The following NREP variants were observed in gnomAD, a reference collection of about 807,000 sequenced individuals.
NREP encodes the protein neuronal regeneration related protein.
Under a neutral mutation model 8.6 loss-of-function variants are expected in NREP, and 5 were observed. The ratio of observed to expected loss-of-function variants is 0.58; its 90% CI spans 0.30 to 1.22. The LOEUF is 1.22. Among genes scored for constraint, NREP ranks in the 50% most tolerant of loss-of-function variants. The pLI is 0.07. For synonymous variants in NREP, 27 were observed against 28.0 expected (o/e 0.96, Z 0.11); for missense variants, 86 against 82.5 (o/e 1.04, Z -0.17).
At chr5:111,776,094 G>A (rs891788725) in intron 2 of NREP, among the ~76,000 whole-genome samples, 18 of 152,280 alleles carry the variant, frequency 1.2e-4, no homozygotes, top group Admixed American at 3.9e-4. Flanking sequence ...AACCCTGCCA[G>A]GAGCAGTATG....
chr5:111,958,649 A>C (rs1494585), intron 2 of NREP, among the ~76,000 whole-genome samples: 73,214 of 151,608 alleles, frequency 0.48, 18,614 homozygotes, highest in African/African-American at 0.62. Flanking sequence ...GAAGACATAA[A>C]GAAGAATTAA....
chr5:111,852,609 T>A (rs935368594), intron 2 of NREP, among the ~76,000 whole-genome samples: 3 of 152,190 alleles, frequency 2.0e-5, no homozygotes, highest in African/African-American at 7.2e-5. Flanking sequence ...TGGGTTTTAG[T>A]TCCATCCCAT....
intron 2 of NREP, among the ~76,000 whole-genome samples, chr5:111,888,330 A>C (rs1266438328): frequency 7.0e-6 from 1 of 142,796 alleles, no homozygotes; most frequent in African/African-American, 2.7e-5. Context: ...ACAGTTCCCC[A>C]TTGCTGGGTG....
chr5:111,838,234 A>G (rs2112944800), intron 2 of NREP, among the ~76,000 whole-genome samples: 1 of 152,278 alleles, frequency 6.6e-6, no homozygotes, highest in African/African-American at 2.4e-5. Flanking sequence ...AATGTCTTCT[A>G]AATTTGATGT....
chr5:111,844,633 CATTAT>C (rs1753113173), intron 2 of NREP, among the ~76,000 whole-genome samples: 1 of 146,872 alleles, frequency 6.8e-6, no homozygotes, highest in East Asian at 2.0e-4. Context: ...AGTTGATATA[CATTAT>C]ATATCAACTA....
upstream of NREP, among the ~76,000 whole-genome samples, chr5:111,759,401 T>TTTTC (rs879320412): frequency 6.6e-5 from 10 of 150,454 alleles, no homozygotes; most frequent in East Asian, 2.0e-4. Context: ...AAGTGTTAAT[T>TTTTC]TTTCTTTCTT....
intron 2 of NREP, among the ~76,000 whole-genome samples, chr5:111,864,225 T>G (rs890016787): frequency 6.6e-6 from 1 of 152,084 alleles, no homozygotes; most frequent in Non-Finnish European, 1.5e-5. Flanking sequence ...GGGTCCTAAA[T>G]AAGTAAATTA....
chr5:111,827,639 C>T (rs112940624), intron 2 of NREP, among the ~76,000 whole-genome samples: 10 of 152,120 alleles, frequency 6.6e-5, no homozygotes, highest in Non-Finnish European at 1.3e-4. Context: ...GTCAGAAATT[C>T]GAGACCAGCC....
At chr5:111,774,391 G>T (rs1751310632) in intron 2 of NREP, among the ~76,000 whole-genome samples, 1 of 152,128 alleles carries the variant, frequency 6.6e-6, no homozygotes, top group South Asian at 2.1e-4. Context: ...ACCTTACATG[G>T]TAAAAGAGAC....
chr5:111,758,232 T>TCACACGC (rs1750860305), upstream of NREP: 1 of 985,426 alleles, frequency 1.0e-6, no homozygotes, highest in Non-Finnish European at 1.2e-6. Flanking sequence ...CACACACACG[T>TCACACGC]GCACACAGTC....
intron 2 of NREP, among the ~76,000 whole-genome samples, chr5:111,946,516 A>T (rs1157880658): frequency 6.6e-6 from 1 of 151,986 alleles, no homozygotes. Context: ...AGTAAAAGAT[A>T]ATCCCCTGAA....
At chr5:111,893,912 GTAGTAATATTAATAA>G (rs1754449573) in intron 2 of NREP, among the ~76,000 whole-genome samples, 1 of 151,904 alleles carries the variant, frequency 6.6e-6, no homozygotes, top group Non-Finnish European at 1.5e-5. Flanking sequence ...GTAAATAGTA[GTAGTAATATTAATAA>G]TAATAACAGG....
chr5:111,803,010 T>C (rs1752048924), intron 2 of NREP, among the ~76,000 whole-genome samples: 2 of 152,142 alleles, frequency 1.3e-5, no homozygotes, highest in Admixed American at 6.5e-5. Context: ...AGAAAAAAAC[T>C]GGGAGAATGG....
chr5:111,804,978 G>C (rs1454274833), intron 2 of NREP, among the ~76,000 whole-genome samples: 1 of 148,882 alleles, frequency 6.7e-6, no homozygotes, highest in Non-Finnish European at 1.5e-5. Flanking sequence ...TCTAGCCTGG[G>C]CGACAGAGCG....
At chr5:111,908,888 G>A (rs573962030) in intron 2 of NREP, among the ~76,000 whole-genome samples, 11 of 151,902 alleles carry the variant, frequency 7.2e-5, no homozygotes, top group South Asian at 2.1e-4. Flanking sequence ...AACAGCATCC[G>A]TTGTTTTTCT....
chr5:111,853,125 A>G (rs747934917), intron 2 of NREP, among the ~76,000 whole-genome samples: 1 of 152,148 alleles, frequency 6.6e-6, no homozygotes, highest in Non-Finnish European at 1.5e-5. Flanking sequence ...TTAATTTACC[A>G]TAAGAAACCT....
intron 2 of NREP, among the ~76,000 whole-genome samples, chr5:111,912,346 A>C (rs1390710366): frequency 5.3e-5 from 8 of 151,618 alleles, no homozygotes; most frequent in African/African-American, 1.9e-4. Flanking sequence ...TTACTTCTTG[A>C]CCCTCCTCAC....
intron 2 of NREP, among the ~76,000 whole-genome samples, chr5:111,904,038 A>AT (rs1288018273): frequency 1.3e-5 from 2 of 152,104 alleles, no homozygotes; most frequent in Non-Finnish European, 2.9e-5. Flanking sequence ...TCTTAAGAAT[A>AT]TTTTTATAAT....
intron 2 of NREP, among the ~76,000 whole-genome samples, chr5:111,883,551 A>G (rs1754146533): frequency 1.3e-5 from 2 of 152,236 alleles, no homozygotes; most frequent in South Asian, 4.1e-4. Context: ...CACCTATTCC[A>G]AAATTGACCA....
Sources: gnomAD v4.1 joint callset for allele counts (sites outside exome capture counted in the v4.1 genomes callset) on GRCh38, gnomAD v4.1.1 for gene constraint, MANE v1.5 for transcripts, NCBI Gene and HGNC (gene_info 2026-07-23, HGNC 2026-07-21) for gene names.